The following RIMS1 variants were observed in gnomAD, a reference collection of about 807,000 sequenced individuals.
RIMS1 encodes the protein regulating synaptic membrane exocytosis 1.
RIMS1 carries 83 observed loss-of-function variants against 214.1 expected under a neutral mutation model. The observed-to-expected ratio is 0.39, with a 90% confidence interval of 0.32 to 0.47. The LOEUF is 0.47. RIMS1 is among the 20% of genes least tolerant of loss of function. The pLI is 0.99. For missense variants in RIMS1, 2,050 were observed against 2,161.8 expected (o/e 0.95, Z 1.03); for synonymous variants, 793 against 786.8 (o/e 1.01, Z -0.13).
At chr6:72,184,572 A>T (rs1191779331) in intron 6 of RIMS1, among the ~76,000 whole-genome samples, 1 of 152,242 alleles carries the variant, frequency 6.6e-6, no homozygotes, top group African/African-American at 2.4e-5. Flanking sequence ...AAGGACCTAA[A>T]GCTAGAGAAT....
At chr6:72,070,087 T>A (rs1830241239) in intron 2 of RIMS1, among the ~76,000 whole-genome samples, 1 of 152,222 alleles carries the variant, frequency 6.6e-6, no homozygotes, top group African/African-American at 2.4e-5. Flanking sequence ...CTTATATTAA[T>A]GTATTTAATT....
At chr6:72,109,280 A>T (rs1269406657) in intron 4 of RIMS1, among the ~76,000 whole-genome samples, 1 of 152,156 alleles carries the variant, frequency 6.6e-6, no homozygotes, top group South Asian at 2.1e-4. Flanking sequence ...TGCCACACTG[A>T]CTTCCACAAT....
intron 9 of RIMS1, among the ~76,000 whole-genome samples, chr6:72,239,720 CTGTT>C (rs1158288942): frequency 1.3e-5 from 2 of 152,186 alleles, no homozygotes; most frequent in African/African-American, 4.8e-5. Context: ...CACTGACACT[CTGTT>C]TATTATGAAG....
chr6:72,007,037 C>A (rs1369534757), intron 2 of RIMS1, among the ~76,000 whole-genome samples: 2 of 152,182 alleles, frequency 1.3e-5, no homozygotes, highest in Non-Finnish European at 2.9e-5. Flanking sequence ...TCAAGTGGGT[C>A]CCTGACACCC....
At chr6:71,929,146 T>C (rs1447525667) in intron 1 of RIMS1, among the ~76,000 whole-genome samples, 1 of 152,156 alleles carries the variant, frequency 6.6e-6, no homozygotes, top group African/African-American at 2.4e-5. Context: ...ACATCATTAT[T>C]TAATTCATGT....
At chr6:72,063,260 CA>C (rs2152262034) in intron 2 of RIMS1, among the ~76,000 whole-genome samples, 1 of 152,222 alleles carries the variant, frequency 6.6e-6, no homozygotes, top group Non-Finnish European at 1.5e-5. Context: ...TTCTGCTCTG[CA>C]CTTTAGGCAA....
At chr6:72,175,194 A>T (rs2153960317) in intron 4 of RIMS1, among the ~76,000 whole-genome samples, 1 of 152,346 alleles carries the variant, frequency 6.6e-6, no homozygotes, top group Non-Finnish European at 1.5e-5. Context: ...TCAAAATGGT[A>T]CCATAATAAT....
intron 4 of RIMS1, among the ~76,000 whole-genome samples, chr6:72,149,537 G>T (rs1339740726): frequency 6.6e-6 from 1 of 152,078 alleles, no homozygotes; most frequent in African/African-American, 2.4e-5. Flanking sequence ...ATGGGGGTGG[G>T]GGTGGTGGCA....
chr6:71,941,534 TA>T (rs1365876537), intron 1 of RIMS1, among the ~76,000 whole-genome samples: 15 of 152,230 alleles, frequency 9.9e-5, no homozygotes, highest in African/African-American at 3.4e-4. Flanking sequence ...TGTGGTCTAA[TA>T]TGCAGGGTTT....
chr6:72,093,118 G>A (rs148496682), intron 2 of RIMS1, among the ~76,000 whole-genome samples: 84 of 151,298 alleles, frequency 5.6e-4, no homozygotes, highest in African/African-American at 1.7e-3. Context: ...TAACCCCTCC[G>A]CCACTAGCTT....
At chr6:72,294,702 A>G (rs1249747137) in intron 26 of RIMS1, among the ~76,000 whole-genome samples, 3 of 151,728 alleles carry the variant, frequency 2.0e-5, no homozygotes, top group African/African-American at 4.8e-5. Flanking sequence ...TAAAGGCAGT[A>G]TCTCTTAAAG....
At chr6:72,263,052 T>C (rs552678443) in intron 19 of RIMS1, 1 of 924,710 alleles carries the variant, frequency 1.1e-6, no homozygotes, top group South Asian at 5.0e-5. Context: ...TCAGATCTAT[T>C]TGATATCTTC....
At chr6:72,135,175 A>T (rs1011568392) in intron 4 of RIMS1, among the ~76,000 whole-genome samples, 3 of 152,136 alleles carry the variant, frequency 2.0e-5, no homozygotes, top group African/African-American at 4.8e-5. Context: ...CTTTTTAGAT[A>T]CTCCTCAAAG....
At position 72,096,965 on chromosome 6, in the gene RIMS1, T is replaced by A; in HGVS notation, c.262T>A (p.Phe88Ile). The A allele has an allele frequency of 6.2e-7, 1 of 1,613,484 alleles. No homozygotes were observed. The highest frequency in any genetic ancestry group is 8.5e-7 in the Non-Finnish European group (1 of 1,179,642). The change falls in exon 3 of 34, where the codon TTT (phenylalanine) becomes ATT (isoleucine). Residue 88 changes from phenylalanine (F) to isoleucine (I), a missense_variant. Around this residue, in one of 6 missense-constraint regions of RIMS1, gnomAD observed 882 missense variants for 828.9 expected, o/e 1.06. Coordinates refer to ENST00000521978, the MANE Select transcript of RIMS1 (RefSeq NM_014989.7). ...HQPSPRLHQQ[F>I]ESYKEQVRKI... The stretch of plus-strand genomic sequence containing the variant: ...TTTGCCTAGGAGATTGCATCAACAG[T>A]TTGAAAGCTATAAGGAACAAGTGAG...
intron 1 of RIMS1, among the ~76,000 whole-genome samples, chr6:71,890,986 C>T (rs1043732421): frequency 1.3e-5 from 2 of 152,204 alleles, no homozygotes; most frequent in African/African-American, 2.4e-5. Context: ...CCGTACACTA[C>T]ACTGTCTTCC....
chr6:72,269,819 A>G (rs189030336), intron 22 of RIMS1, among the ~76,000 whole-genome samples: 1 of 152,164 alleles, frequency 6.6e-6, no homozygotes, highest in Non-Finnish European at 1.5e-5. Context: ...TTTTCTTCCT[A>G]TTAAAATTAA....
At chr6:72,147,317 A>T (rs916098482) in intron 4 of RIMS1, among the ~76,000 whole-genome samples, 3 of 152,222 alleles carry the variant, frequency 2.0e-5, no homozygotes, top group African/African-American at 7.2e-5. Flanking sequence ...CAGAAAATTG[A>T]GTAGTTGTAA....
At chr6:72,149,062 G>A (rs1046740647) in intron 4 of RIMS1, among the ~76,000 whole-genome samples, 2 of 152,026 alleles carry the variant, frequency 1.3e-5, no homozygotes, top group Non-Finnish European at 2.9e-5. Flanking sequence ...CTGACATGGT[G>A]GAGGAAAGAA....
At chr6:72,100,661 A>G (rs916507911) in intron 4 of RIMS1, among the ~76,000 whole-genome samples, 11 of 52,298 alleles carry the variant, frequency 2.1e-4, no homozygotes, top group Non-Finnish European at 6.1e-5. Flanking sequence ...TAAATTTTAT[A>G]CATACTATAC....
Sources: gnomAD v4.1 joint callset for allele counts (sites outside exome capture counted in the v4.1 genomes callset) on GRCh38, gnomAD v4.1.1 for gene constraint, gnomAD v4.1.1 regional missense constraint, MANE v1.5 for transcripts, NCBI Gene and HGNC (gene_info 2026-07-23, HGNC 2026-07-21) for gene names.